Variants in RPS6KC1 observed in about 807,000 individuals in gnomAD.
RPS6KC1 encodes inactive ribosomal protein S6 kinase delta-1.
A neutral mutation model predicts 103.8 loss-of-function variants in RPS6KC1; 54 were observed. The observed-to-expected ratio is 0.52, with a 90% CI of 0.42 to 0.65. RPS6KC1 has a LOEUF of 0.65. Ranked by LOEUF, RPS6KC1 falls within the 30% of genes least tolerant of loss-of-function variation. The pLI is 0.00. For missense variants in RPS6KC1, 1,151 were observed against 1,253.8 expected, an observed-to-expected ratio of 0.92 and a Z score of 1.24; for synonymous variants, 439 against 438.7, an observed-to-expected ratio of 1.00 and a Z score of -0.01.
At chr1:213,588,323 C>T in the RPS6KC1 span, among the ~76,000 whole-genome samples, 2 of 146,512 alleles carry the variant, frequency 1.4e-5, no homozygotes, top group African/African-American at 5.1e-5. Flanking sequence ...GAGATGGAGT[C>T]TCACTTGTTG....
chr1:213,528,687 T>G, the RPS6KC1 span, among the ~76,000 whole-genome samples: 195 of 152,322 alleles, frequency 1.3e-3, no homozygotes, highest in African/African-American at 4.6e-3. Flanking sequence ...AGGATGTTGA[T>G]TTAATGTCAT....
At chr1:213,267,217 T>C (rs2094932604) in intron 14 of RPS6KC1, among the ~76,000 whole-genome samples, 1 of 151,758 alleles carries the variant, frequency 6.6e-6, no homozygotes, top group Non-Finnish European at 1.5e-5. Context: ...GATATTTGAA[T>C]ACAACCTCTG....
the RPS6KC1 span, among the ~76,000 whole-genome samples, chr1:213,310,396 T>C: frequency 6.6e-6 from 1 of 152,188 alleles, no homozygotes; most frequent in Non-Finnish European, 1.5e-5. Flanking sequence ...TCTCTTTTGC[T>C]GTTCCTCAAT....
the RPS6KC1 span, among the ~76,000 whole-genome samples, chr1:213,561,783 A>G: frequency 1.3e-5 from 2 of 152,240 alleles, no homozygotes; most frequent in Admixed American, 6.5e-5. Flanking sequence ...TTTTGAGAGC[A>G]GATAGCCCAA....
intron 8 of RPS6KC1, among the ~76,000 whole-genome samples, chr1:213,189,106 A>G (rs1308837281): frequency 2.0e-5 from 3 of 152,110 alleles, no homozygotes; most frequent in African/African-American, 7.2e-5. Context: ...TAGGAAGGTT[A>G]ATATTTCCAA....
chr1:213,690,093 G>A, the RPS6KC1 span, among the ~76,000 whole-genome samples: 2 of 152,144 alleles, frequency 1.3e-5, no homozygotes, highest in Non-Finnish European at 2.9e-5. Context: ...AGTGCTTTCT[G>A]TTTCCTTTGC....
At chr1:213,859,790 A>G in the RPS6KC1 span, among the ~76,000 whole-genome samples, 1 of 152,188 alleles carries the variant, frequency 6.6e-6, no homozygotes, top group African/African-American at 2.4e-5. Context: ...CTTTTTCTCA[A>G]TCAATATAGT....
chr1:213,638,201 GAT>G, the RPS6KC1 span, among the ~76,000 whole-genome samples: 3 of 152,096 alleles, frequency 2.0e-5, no homozygotes, highest in Admixed American at 6.6e-5. Context: ...CTTTTTTGAT[GAT>G]ATATTCAAAT....
At chr1:213,384,729 A>G in the RPS6KC1 span, among the ~76,000 whole-genome samples, 1 of 152,284 alleles carries the variant, frequency 6.6e-6, no homozygotes, top group African/African-American at 2.4e-5. Context: ...TTGGGTTTCA[A>G]ATGAGGAGAG....
intron 7 of RPS6KC1, among the ~76,000 whole-genome samples, chr1:213,176,083 A>G (rs889418380): frequency 6.6e-6 from 1 of 152,174 alleles, no homozygotes; most frequent in African/African-American, 2.4e-5. Context: ...TTTGTTACAA[A>G]GTTTTATGAT....
chr1:213,086,945 T>C (rs1388811805), intron 3 of RPS6KC1, among the ~76,000 whole-genome samples: 1 of 152,176 alleles, frequency 6.6e-6, no homozygotes, highest in Non-Finnish European at 1.5e-5. Context: ...TGTACTCTCC[T>C]CCCACCTCCT....
chr1:213,096,312 C>T (rs1442470575), intron 3 of RPS6KC1, among the ~76,000 whole-genome samples: 2 of 152,190 alleles, frequency 1.3e-5, no homozygotes, highest in Non-Finnish European at 2.9e-5. Context: ...CTTGCTATTT[C>T]TACCACATCT....
chr1:213,152,403 C>T (rs1356702062), intron 6 of RPS6KC1, among the ~76,000 whole-genome samples: 15 of 148,742 alleles, frequency 1.0e-4, no homozygotes, highest in African/African-American at 3.0e-4. Flanking sequence ...CCCTCCCGGA[C>T]GGGGTGGCTG....
intron 6 of RPS6KC1, among the ~76,000 whole-genome samples, chr1:213,146,060 A>G (rs1346706235): frequency 8.4e-6 from 1 of 119,550 alleles, no homozygotes. Context: ...CTGGTAACCC[A>G]TTCTTTTACT....
chr1:213,643,826 T>C, the RPS6KC1 span, among the ~76,000 whole-genome samples: 1 of 152,002 alleles, frequency 6.6e-6, no homozygotes, highest in South Asian at 2.1e-4. Flanking sequence ...TTATGTTAGC[T>C]AATAATTATT....
At chr1:213,331,706 GT>G in the RPS6KC1 span, among the ~76,000 whole-genome samples, 3 of 152,274 alleles carry the variant, frequency 2.0e-5, no homozygotes, top group Middle Eastern at 3.4e-3. Flanking sequence ...CTATTATTTA[GT>G]TTTGAAGGAG....
At chr1:213,303,470 G>A in the RPS6KC1 span, among the ~76,000 whole-genome samples, 43 of 152,252 alleles carry the variant, frequency 2.8e-4, no homozygotes, top group African/African-American at 9.9e-4. Flanking sequence ...ATGGCTGTGT[G>A]GATGCCTGGA....
chr1:213,428,195 T>G, the RPS6KC1 span, among the ~76,000 whole-genome samples: 2 of 152,170 alleles, frequency 1.3e-5, no homozygotes, highest in Non-Finnish European at 2.9e-5. Flanking sequence ...CCAAGTTATA[T>G]GAGAGAGTCT....
the RPS6KC1 span, among the ~76,000 whole-genome samples, chr1:213,458,603 C>A: frequency 6.6e-6 from 1 of 152,100 alleles, no homozygotes; most frequent in Non-Finnish European, 1.5e-5. Context: ...CCCTTTATTT[C>A]TTTCTCCTGT....
Sources: allele counts gnomAD v4.1 joint callset (sites outside exome capture counted in the v4.1 genomes callset), GRCh38; gene constraint gnomAD v4.1.1; transcripts MANE v1.5; gene names NCBI Gene and HGNC (gene_info 2026-07-23, HGNC 2026-07-21).